FRAS1: variants seen among roughly 807,000 people sequenced by gnomAD.
FRAS1 encodes extracellular matrix organizing protein FRAS1.
FRAS1 carries 290 observed loss-of-function variants against 435.2 expected under a neutral mutation model. The observed-to-expected ratio is 0.67, with a 90% CI of 0.61 to 0.73. The LOEUF is 0.73. Among genes scored for constraint, FRAS1 ranks in the 30% least tolerant of loss-of-function variants. FRAS1 has a pLI of 0.00. For synonymous variants in FRAS1, 1,800 were observed against 1,851.0 expected (o/e 0.97, Z 0.71); for missense variants, 4,860 against 5,001.5 (o/e 0.97, Z 0.85).
intron 2 of FRAS1, among the ~76,000 whole-genome samples, chr4:78,094,543 T>G (rs1303005083): frequency 1.3e-5 from 2 of 152,162 alleles, no homozygotes; most frequent in African/African-American, 4.8e-5. Flanking sequence ...TAATAGAATC[T>G]TAATAATATA....
intron 15 of FRAS1, among the ~76,000 whole-genome samples, chr4:78,309,865 A>G (rs1406102317): frequency 6.6e-6 from 1 of 151,950 alleles, no homozygotes; most frequent in Non-Finnish European, 1.5e-5. Flanking sequence ...TTTTTTTTTC[A>G]TAGCTAAGTC....
Position 78,387,460 on chromosome 4 carries a change from A to T in FRAS1, c.3734A>T (p.Asp1245Val). Residue 1245 changes from aspartate (D) to valine (V), a missense_variant, in exon 29 of 74, where the codon GAT becomes GTT. Coordinates refer to ENST00000512123, the MANE Select transcript of FRAS1 (RefSeq NM_025074.7). ...TITTQMLDIR[D>V]DDNPQDVVIE... The stretch of plus-strand genomic sequence containing the variant: ...ACCACCCAGATGCTTGACATCCGAG[A>T]TGATGACAACCCACAGGATGTGGTC... 1 of 1,613,718 alleles carries T rather than the reference A, an allele frequency of 6.2e-7. No individual in the cohort carries two copies. The highest frequency in any genetic ancestry group is 1.3e-5 in the African/African-American group (1 of 74,980).
Position 78,169,178 on chromosome 4 carries a change from C to A in FRAS1, c.109-68332C>A, listed in dbSNP as rs114773869. On this transcript the variant is annotated intron_variant, in intron 2 of 73. Transcript: ENST00000512123. ...TTAAGTAATTTTTTCAGCCATCATG[C>A]ATTCATCATATTTGCTCCAACAATG... is the stretch of plus-strand genomic sequence containing the variant. Among the ~76,000 whole-genome samples, 727 of 152,190 alleles carry A rather than the reference C, an allele frequency of 4.8e-3. 4 individuals carry two copies. Among genetic ancestry groups the A allele is most frequent in the African/African-American group, 0.017 (692 of 41,530 alleles).
intron 2 of FRAS1, among the ~76,000 whole-genome samples, chr4:78,100,017 T>C (rs1486412203): frequency 6.6e-6 from 1 of 152,172 alleles, no homozygotes; most frequent in Non-Finnish European, 1.5e-5. Flanking sequence ...TAGTGACATA[T>C]TTAGAAGTTG....
chr4:78,408,036 C>T (rs545812943), intron 31 of FRAS1, among the ~76,000 whole-genome samples, 195 bp downstream of exon 31: 14 of 152,252 alleles, frequency 9.2e-5, no homozygotes, highest in African/African-American at 3.4e-4. Flanking sequence ...GTTTAATGGA[C>T]TCACAGTTCC....
chr4:78,296,124 G>A (rs1286186905), intron 14 of FRAS1, among the ~76,000 whole-genome samples: 3 of 151,044 alleles, frequency 2.0e-5, no homozygotes, highest in African/African-American at 4.9e-5. Flanking sequence ...CATGTTATTA[G>A]GTGGTGCAAA....
intron 2 of FRAS1, among the ~76,000 whole-genome samples, chr4:78,077,006 G>A (rs1335845461): frequency 2.0e-5 from 3 of 152,132 alleles, no homozygotes; most frequent in Admixed American, 6.5e-5. Flanking sequence ...GTTTTTATGC[G>A]AACTTATTAA....
At chr4:78,267,141 C>G in intron 8 of FRAS1, 100 bp from the exon 9 acceptor site, 1 of 1,216,904 alleles carries the variant, frequency 8.2e-7, no homozygotes, top group Non-Finnish European at 1.2e-6. Flanking sequence ...AGAGAAAGAG[C>G]CATGTAGAGC....
chr4:78,466,080 G>C (rs1169926574), intron 49 of FRAS1, 128 bp from the exon 50 acceptor site: 6 of 682,966 alleles, frequency 8.8e-6, no homozygotes, highest in Non-Finnish European at 1.5e-5. Flanking sequence ...TGTCTATAAA[G>C]AAAATACAGT....
Position 78,507,428 on chromosome 4 carries a change from T to C in FRAS1, c.9324T>C (p.Asp3108=). 6 of 1,610,190 alleles carry C rather than the reference T, an allele frequency of 3.7e-6. No individual in the cohort carries two copies. The highest frequency in any genetic ancestry group is 5.1e-6 in the Non-Finnish European group (6 of 1,178,482). The change falls in exon 62 of 74, where the codon GAT becomes GAC. Residue 3108 remains aspartate (D), a synonymous_variant. Coordinates refer to ENST00000512123, the MANE Select transcript of FRAS1 (RefSeq NM_025074.7). The part of the protein sequence containing the change: ...SRVLKFSPGV[D]HIFFKVEILS... ...GTTCTGTCCTTGGCGAAGGTGTGGA[T>C]CATATCTTTTTTAAAGTTGAGATCC...
chr4:78,470,611 A>G (rs1298670360), intron 51 of FRAS1, among the ~76,000 whole-genome samples: 2 of 152,248 alleles, frequency 1.3e-5, no homozygotes, highest in African/African-American at 4.8e-5. Context: ...TTTTAAAAAT[A>G]TAGTACAACA....
chr4:78,482,580 A>C, intron 58 of FRAS1, 45 bp downstream of exon 58: 1 of 1,578,256 alleles, frequency 6.3e-7, no homozygotes, highest in Middle Eastern at 1.7e-4. Flanking sequence ...ATATATTTCT[A>C]TTTTTTCTTT....
chr4:78,312,374 A>G lies in FRAS1; in HGVS notation c.1679-3220A>G, dbSNP rs1183533478. Among the ~76,000 whole-genome samples, 3 of 152,040 alleles carry G rather than the reference A, an allele frequency of 2.0e-5. No homozygotes were observed. The East Asian group carries it at 5.8e-4, about 29-fold the overall frequency. ...AGAAATTTCTAAATTTCCATAGTCT[A>G]AATTTCTGTTCTTGTACCACTATCA... On this transcript the variant is annotated intron_variant, in intron 15 of 73. Coordinates refer to ENST00000512123, the MANE Select transcript of FRAS1 (RefSeq NM_025074.7).
intron 43 of FRAS1, among the ~76,000 whole-genome samples, chr4:78,447,359 C>T (rs893553847): frequency 1.3e-5 from 2 of 149,500 alleles, no homozygotes; most frequent in African/African-American, 2.5e-5. Context: ...CTTCTACCTA[C>T]TTCTTTTTTT....
At chr4:78,527,604 C>T (rs1259956626) in intron 70 of FRAS1, among the ~76,000 whole-genome samples, 3 of 152,060 alleles carry the variant, frequency 2.0e-5, no homozygotes, top group Non-Finnish European at 4.4e-5. Flanking sequence ...CTATTGGATT[C>T]GTCAATACTG....
At chr4:78,385,583 G>C (rs1226822919) in intron 28 of FRAS1, among the ~76,000 whole-genome samples, 1 of 152,080 alleles carries the variant, frequency 6.6e-6, no homozygotes, top group Non-Finnish European at 1.5e-5. Context: ...TATAAATTTT[G>C]TTTTAATTAA....
intron 2 of FRAS1, among the ~76,000 whole-genome samples, chr4:78,234,034 C>G (rs1271411940): frequency 6.6e-6 from 1 of 152,196 alleles, no homozygotes; most frequent in African/African-American, 2.4e-5. Context: ...CTGTGGTCAG[C>G]ACTTCCTGCT....
chr4:78,479,457 G>T lies in FRAS1; in HGVS notation c.8182G>T (p.Gly2728Cys). 5 of 1,606,158 alleles carry T rather than the reference G, an allele frequency of 3.1e-6. No individual in the cohort carries two copies. Among genetic ancestry groups the T allele is most frequent in the Non-Finnish European group, 4.3e-6 (5 of 1,174,802 alleles). The change falls in exon 56 of 74, where the codon GGC (glycine) becomes TGC (cysteine). Residue 2728 changes from glycine to cysteine, a missense_variant. Physicochemically the swap from Gly to Cys is radical, Grantham distance 159. Transcript: ENST00000512123. ...AAGTAGCCTCTATGCTCTAGAATCA[G>T]GCTCTGATTTTAAATCTAGAGGGAT... is the stretch of plus-strand genomic sequence containing the variant. ...MGSSLYALES[G>C]SDFKSRGMSA... is the part of the protein sequence containing the mutation.
intron 2 of FRAS1, among the ~76,000 whole-genome samples, chr4:78,160,619 G>A (rs1721100131): frequency 6.6e-6 from 1 of 152,084 alleles, no homozygotes; most frequent in Non-Finnish European, 1.5e-5. Context: ...TAAATTAAAG[G>A]TAGACAAAGT....
Sources: allele counts gnomAD v4.1 joint callset (sites outside exome capture counted in the v4.1 genomes callset), GRCh38; gene constraint gnomAD v4.1.1; transcripts MANE v1.5; gene names NCBI Gene and HGNC (gene_info 2026-07-23, HGNC 2026-07-21).